Variants in PSD4 observed in about 807,000 individuals in gnomAD.
The protein encoded by PSD4 is pleckstrin and Sec7 domain containing 4.
PSD4 carries 59 observed loss-of-function variants against 112.5 expected under a neutral mutation model. The observed-to-expected ratio is 0.52, with a 90% CI of 0.43 to 0.65. The LOEUF (loss-of-function observed/expected upper bound fraction) is 0.65. Among genes scored for constraint, PSD4 ranks in the 30% least tolerant of loss-of-function variants. The pLI is 0.00. For synonymous variants in PSD4, 533 were observed against 540.0 expected, an observed-to-expected ratio of 0.99 and a Z score of 0.18; for missense variants, 1,267 against 1,352.6, an observed-to-expected ratio of 0.94 and a Z score of 0.99.
chr2:113,183,673 C>T (rs1688215285), intron 2 of PSD4, among the ~76,000 whole-genome samples, 161 bp downstream of exon 2: 1 of 152,158 alleles, frequency 6.6e-6, no homozygotes. Flanking sequence ...AAAATCAGGA[C>T]CAGTGTTGTC....
rs144246302 is a variant in PSD4, at chr2:113,182,488, C to A, written c.32C>A (p.Pro11His). The change falls in exon 2 of 17, where the codon CCC (proline) becomes CAC (histidine). Residue 11 changes from proline to histidine, a missense_variant. Around this residue, in one of 2 missense-constraint regions of PSD4, gnomAD observed 723 missense variants for 704.0 expected, o/e 1.03. Coordinates refer to ENST00000245796, the MANE Select transcript of PSD4 (RefSeq NM_012455.3). MMGDYRLPDHPQPMEILNLYL... is the reference protein window; with the variant it reads MMGDYRLPDHHQPMEILNLYL... ...GGTGACTACAGACTCCCTGACCACC[C>A]CCAGCCCATGGAAATTCTCAACCTG... is the stretch of plus-strand genomic sequence containing the variant. 4.4e-5 allele frequency: 71 copies of A among 1,613,638 alleles called. No homozygotes were observed. Among genetic ancestry groups the A allele is most frequent in the Non-Finnish European group, 1.0e-5 (12 of 1,179,750 alleles).
At chr2:113,177,193 G>A (rs1057441627) in intron 1 of PSD4, among the ~76,000 whole-genome samples, 3 of 152,242 alleles carry the variant, frequency 2.0e-5, no homozygotes, top group Admixed American at 2.0e-4. Flanking sequence ...TTCCTGGAGA[G>A]GGGAGGATGA....
In PSD4 at chr2:113,206,209, C is replaced by T. The variant is rs1688861323; in HGVS notation, c.*4794C>T. On this transcript the variant is annotated 3_prime_UTR_variant, in exon 17 of 17. Transcript: ENST00000245796. ...TGTTAGACTCTCTTGCTTTCCATAG[C>T]TGACCCTGGCTTCCCTGCTTTCTGT... 6.6e-6 allele frequency: 1 copy of T among 152,336 alleles called. No individual in the cohort carries two copies. The allele number at this position is 152,336 out of a possible 1,614,324, so 9.4% of individuals were successfully genotyped here.
rs1306588315 is a variant in PSD4 at position 113,182,635 on chromosome 2, G to A, written c.179G>A (p.Arg60Lys). 1 of 1,613,966 alleles carries A rather than the reference G, an allele frequency of 6.2e-7. No individual in the cohort carries two copies. Among genetic ancestry groups the A allele is most frequent in the African/African-American group, 1.3e-5 (1 of 75,042 alleles). The change falls in exon 2 of 17, where the codon AGA becomes AAA. Residue 60 changes from arginine (R) to lysine (K), a missense_variant. Physicochemically the swap from Arg to Lys is conservative, Grantham distance 26 (BLOSUM62 2). Coordinates refer to ENST00000245796, the MANE Select transcript of PSD4 (RefSeq NM_012455.3). ...TWATDPPEPT[R>K]QNVPPWGSGV... ...GCCACTGACCCTCCTGAACCTACCA[G>A]ACAAAATGTTCCTCCCTGGGGCTCC...
chr2:113,176,058 C>G (rs756727519), intron 1 of PSD4, among the ~76,000 whole-genome samples: 116 of 152,132 alleles, frequency 7.6e-4, no homozygotes, highest in Non-Finnish European at 1.3e-3. Flanking sequence ...TCACTATGAC[C>G]CTGAAGTGGG....
At chr2:113,200,147 C>T (rs1413065357) in intron 16 of PSD4, among the ~76,000 whole-genome samples, 3 of 152,130 alleles carry the variant, frequency 2.0e-5, no homozygotes, top group African/African-American at 7.2e-5. Flanking sequence ...GTTGACTCTA[C>T]AGCCCATGTT....
At chr2:113,184,343 C>A (rs1353278203) in intron 2 of PSD4, among the ~76,000 whole-genome samples, 1 of 150,816 alleles carries the variant, frequency 6.6e-6, no homozygotes, top group East Asian at 1.9e-4. Context: ...GCAGTTAGGG[C>A]TGTGCCTGTG....
intron 11 of PSD4, 152 bp downstream of exon 11, chr2:113,195,922 C>T: frequency 8.4e-7 from 1 of 1,191,726 alleles, no homozygotes; most frequent in Non-Finnish European, 1.2e-6. Flanking sequence ...GGGGAGAGAG[C>T]ATAGAGGAGC....
chr2:113,196,807 T>A lies in PSD4; in HGVS notation c.2386+500T>A, dbSNP rs547430387. Among the ~76,000 whole-genome samples, 30 of 152,174 alleles carry A rather than the reference T, an allele frequency of 2.0e-4. 2 individuals are homozygous for A. The highest frequency in any genetic ancestry group is 7.0e-4 in the African/African-American group (29 of 41,512). On this transcript the variant is annotated intron_variant, in intron 12 of 16. Transcript: ENST00000245796. ...AGAGAAAACAGCAAGCCGAGTTTGC[T>A]CAGAACATGGGGTGTGTGAAAGGGA...
chr2:113,191,696 C>A (rs144428591), intron 5 of PSD4, among the ~76,000 whole-genome samples: 2 of 152,304 alleles, frequency 1.3e-5, no homozygotes, highest in African/African-American at 4.8e-5. Context: ...GTCGGGGAAG[C>A]AGAAGAGTCA....
intron 1 of PSD4, among the ~76,000 whole-genome samples, chr2:113,180,317 T>C (rs1430892302): frequency 3.3e-5 from 5 of 152,230 alleles, no homozygotes; most frequent in African/African-American, 1.2e-4. Context: ...CTCAGTTGTA[T>C]GTGGCAGGAC....
chr2:113,186,868 C>T (rs1688312626), intron 5 of PSD4, among the ~76,000 whole-genome samples: 1 of 152,152 alleles, frequency 6.6e-6, no homozygotes, highest in Non-Finnish European at 1.5e-5. Flanking sequence ...TCCCAGAATG[C>T]TGCCTCAAGA....
chr2:113,177,643 A>T (rs898140209), intron 1 of PSD4, among the ~76,000 whole-genome samples: 3 of 151,692 alleles, frequency 2.0e-5, no homozygotes, highest in Non-Finnish European at 2.9e-5. Context: ...GTCAATGCTG[A>T]TCTTTAAATT....
chr2:113,186,223 C>T lies in PSD4; in HGVS notation c.1596C>T (p.Val532=). 1 of 1,602,080 alleles carries T rather than the reference C, an allele frequency of 6.2e-7. No individual in the cohort carries two copies. The highest frequency in any genetic ancestry group is 1.7e-5 in the Admixed American group (1 of 59,074). The change falls in exon 5 of 17, where the codon GTC becomes GTT. Residue 532 remains valine, a synonymous_variant. Transcript: ENST00000245796. ...GTARPAETGD[V]QPDIHLTSAE... ...CCAGGCCTGCAGAGACTGGAGACGT[C>T]CAGCCTGACATTCACCTGACTTCTG...
At chr2:113,175,017 C>G (rs531970442) in intron 1 of PSD4, among the ~76,000 whole-genome samples, 2 of 152,126 alleles carry the variant, frequency 1.3e-5, no homozygotes, top group Admixed American at 6.5e-5. Context: ...ATCCCGTGGC[C>G]CCCTCCTCCT....
rs1688842673 is a variant in PSD4 at position 113,204,970 on chromosome 2, A to AC, written c.*3556dup. On this transcript the variant is annotated 3_prime_UTR_variant, in exon 17 of 17. Transcript: ENST00000245796. Reference sequence around the variant, plus strand: ...TGGCTTTTTGTGAATGTGCAGTGCAACTTTTTTTTTTTTTTGAGACAGAGT... The same window carrying AC: ...TGGCTTTTTGTGAATGTGCAGTGCAACCTTTTTTTTTTTTTTGAGACAGAGT... 6.7e-6 allele frequency: 1 copy of AC among 149,780 alleles called. No homozygotes were observed. Among genetic ancestry groups the AC allele is most frequent in the African/African-American group, 2.5e-5 (1 of 40,702 alleles). The allele number at this position is 149,780 out of a possible 1,614,324, so 9.3% of individuals were successfully genotyped here. A position where few individuals can be genotyped will look rare whatever the true frequency, so the allele number is the denominator to read the frequency against.
At chr2:113,189,935 T>C (rs1688403663) in intron 5 of PSD4, among the ~76,000 whole-genome samples, 1 of 152,234 alleles carries the variant, frequency 6.6e-6, no homozygotes, top group Non-Finnish European at 1.5e-5. Context: ...GATGTATAGA[T>C]TGTGGAGATT....
intron 1 of PSD4, among the ~76,000 whole-genome samples, chr2:113,180,366 C>CT (rs1688095505): frequency 6.6e-6 from 1 of 152,200 alleles, no homozygotes; most frequent in South Asian, 2.1e-4. Flanking sequence ...ATTGATTCAG[C>CT]TTATGTTCTC....
intron 16 of PSD4, among the ~76,000 whole-genome samples, chr2:113,200,782 A>G (rs1362196544): frequency 6.6e-6 from 1 of 152,220 alleles, no homozygotes; most frequent in East Asian, 1.9e-4. Flanking sequence ...AATGCTATTT[A>G]GACCCAATTA....
Sources: allele counts gnomAD v4.1 joint callset (sites outside exome capture counted in the v4.1 genomes callset), GRCh38; gene constraint gnomAD v4.1.1; regional missense constraint gnomAD v4.1.1; transcripts MANE v1.5; gene names NCBI Gene and HGNC (gene_info 2026-07-23, HGNC 2026-07-21).